Variants in ATXN7 observed in about 807,000 individuals in gnomAD.
The protein encoded by ATXN7 is ataxin 7, also known as ataxin-7.
A neutral mutation model predicts 70.5 loss-of-function variants in ATXN7; 12 were observed. The ratio of observed to expected loss-of-function variants is 0.17; its 90% confidence interval spans 0.11 to 0.28. ATXN7 has a LOEUF of 0.28. Ranked by LOEUF, ATXN7 falls within the 10% of genes least tolerant of loss-of-function variation. The pLI, the probability that ATXN7 is intolerant of heterozygous loss-of-function variation, is 1.00. For synonymous variants in ATXN7, 498 were observed against 448.7 expected (o/e 1.11, Z -1.39); for missense variants, 1,256 against 1,131.7 (o/e 1.11, Z -1.58).
chr3:63,875,007 G>C (rs150949754), intron 1 of ATXN7, among the ~76,000 whole-genome samples: 3 of 152,154 alleles, frequency 2.0e-5, no homozygotes, highest in African/African-American at 7.2e-5. Flanking sequence ...GACCTCTTTC[G>C]TAATGGCACT....
At chr3:63,872,723 A>G (rs905424797) in intron 1 of ATXN7, among the ~76,000 whole-genome samples, 29 of 152,206 alleles carry the variant, frequency 1.9e-4, no homozygotes, top group African/African-American at 6.5e-4. Context: ...ATATGTGCCA[A>G]CCTGCTTTTG....
At chr3:63,908,284 A>G (rs1366497494) in intron 2 of ATXN7, among the ~76,000 whole-genome samples, 2 of 152,212 alleles carry the variant, frequency 1.3e-5, no homozygotes, top group Non-Finnish European at 2.9e-5. Context: ...GCTGTAAGGT[A>G]CTTCACTAGA....
At chr3:63,951,064 A>C (rs145041322) in intron 4 of ATXN7, among the ~76,000 whole-genome samples, 1 of 152,256 alleles carries the variant, frequency 6.6e-6, no homozygotes, top group Non-Finnish European at 1.5e-5. Context: ...GGGGGGATAT[A>C]ATGATGTCTA....
intron 5 of ATXN7, among the ~76,000 whole-genome samples, chr3:63,971,521 G>C (rs1032883467): frequency 1.3e-5 from 2 of 152,086 alleles, no homozygotes; most frequent in Non-Finnish European, 2.9e-5. Flanking sequence ...ATATGTGAGT[G>C]CTTTTAAGAA....
chr3:63,957,143 T>G (rs2075053310), intron 5 of ATXN7, among the ~76,000 whole-genome samples: 1 of 152,234 alleles, frequency 6.6e-6, no homozygotes, highest in African/African-American at 2.4e-5. Context: ...GCTCTGCAGC[T>G]TCACTGAGTT....
rs1702326619 is a variant in ATXN7, at chr3:63,864,108, CCGCCCGGCCCA to C, written c.-155_-145del. 1.4e-5 allele frequency among the ~76,000 whole-genome samples: 2 copies of C among 147,492 alleles called. No individual in the cohort carries two copies. Among genetic ancestry groups the C allele is most frequent in the Admixed American group, 1.3e-4 (2 of 14,896 alleles). ...GCTCCCGCCGCCCCCCTTGCAGCCC[CCGCCCGGCCCA>C]CGCCCAGAGGCCGCCCCGGAGGCCG... On this transcript the variant is annotated 5_prime_UTR_variant, in exon 1 of 13. The change creates a premature stop within an existing upstream ORF in the 5' untranslated region. Transcript: ENST00000674280.
intron 5 of ATXN7, among the ~76,000 whole-genome samples, chr3:63,979,617 C>T (rs781233765): frequency 6.6e-5 from 10 of 152,202 alleles, no homozygotes; most frequent in South Asian, 2.1e-4. Context: ...ATTTTTAGCA[C>T]GCAAAACCCA....
At chr3:63,980,251 G>T (rs983325494) in intron 6 of ATXN7, 84 bp downstream of exon 6, 2 of 1,527,312 alleles carry the variant, frequency 1.3e-6, no homozygotes, top group Non-Finnish European at 1.8e-6. Context: ...GTGCCTGTGA[G>T]TAATATAAAA....
At chr3:63,995,103 T>C (rs1049236322) in intron 11 of ATXN7, among the ~76,000 whole-genome samples, 5 of 152,312 alleles carry the variant, frequency 3.3e-5, no homozygotes, top group African/African-American at 1.2e-4. Flanking sequence ...ACCACAACGG[T>C]AATTAAGCTG....
At chr3:63,998,207 G>A (rs201444038) in intron 12 of ATXN7, 2 of 946,808 alleles carry the variant, frequency 2.1e-6, no homozygotes, top group Admixed American at 7.4e-5. Flanking sequence ...AGAAGGGGGG[G>A]GGGCCAGGTG....
rs551830763 is a variant in ATXN7 at position 63,940,850 on chromosome 3, A to T, written c.395-11529A>T. 1.4e-4 allele frequency among the ~76,000 whole-genome samples: 21 copies of T among 152,268 alleles called. 1 individual carries two copies. In the South Asian group the frequency reaches 3.9e-3, roughly 29 times the overall value. On this transcript the variant is annotated intron_variant, in intron 4 of 12. Transcript: ENST00000674280. Reference sequence around the variant, plus strand: ...TCCAAATGGTAGGGATGCAGACAAGATTTATAAGGTTTTTGGTAGGCACTT... The same window carrying T: ...TCCAAATGGTAGGGATGCAGACAAGTTTTATAAGGTTTTTGGTAGGCACTT...
At chr3:63,906,646 A>G (rs1333666606) in intron 2 of ATXN7, among the ~76,000 whole-genome samples, 1 of 152,226 alleles carries the variant, frequency 6.6e-6, no homozygotes, top group South Asian at 2.1e-4. Flanking sequence ...GAGAGGGTTC[A>G]GGAAAGAGTT....
intron 6 of ATXN7, among the ~76,000 whole-genome samples, chr3:63,981,639 T>C (rs986700745): frequency 4.6e-5 from 7 of 152,186 alleles, no homozygotes; most frequent in Non-Finnish European, 7.3e-5. Flanking sequence ...ACACAACATA[T>C]ATTTATTAAA....
intron 11 of ATXN7, among the ~76,000 whole-genome samples, chr3:63,994,010 C>T (rs150862554): frequency 1.3e-4 from 20 of 152,230 alleles, no homozygotes; most frequent in Non-Finnish European, 2.2e-4. Context: ...ATGAGTAGTG[C>T]GGGGAGAGAG....
At chr3:63,919,715 G>A (rs1043886008) in intron 4 of ATXN7, among the ~76,000 whole-genome samples, 4 of 149,282 alleles carry the variant, frequency 2.7e-5, no homozygotes, top group African/African-American at 9.9e-5. Flanking sequence ...TCGTCATTTA[G>A]CATTAGGTAT....
At position 63,970,002 on chromosome 3, in the gene ATXN7, G is replaced by A. The variant is rs566656720; in HGVS notation, c.500-9913G>A. 8.5e-5 allele frequency among the ~76,000 whole-genome samples: 13 copies of A among 152,250 alleles called. No homozygotes were observed. The South Asian group carries it at 2.1e-3, about 24-fold the overall frequency. ...CTCAGATAGTGAGGTCAAATAAATC[G>A]GCCAGGGTGATTTATTGCTGTACTC... On this transcript the variant is annotated intron_variant, in intron 5 of 12. Coordinates refer to ENST00000674280, the MANE Select transcript of ATXN7 (RefSeq NM_001377405.1).
intron 4 of ATXN7, among the ~76,000 whole-genome samples, chr3:63,914,699 A>G (rs1254449514): frequency 6.6e-6 from 1 of 152,194 alleles, no homozygotes; most frequent in Non-Finnish European, 1.5e-5. Context: ...CAAGATTGTA[A>G]TTATCAATAA....
intron 1 of ATXN7, among the ~76,000 whole-genome samples, chr3:63,878,140 T>C (rs1252930163): frequency 1.3e-5 from 2 of 152,172 alleles, no homozygotes; most frequent in Non-Finnish European, 2.9e-5. Flanking sequence ...GGGCTAGTGG[T>C]AAGCAGGTCC....
rs1200546521 is a variant in ATXN7 at position 63,999,801 on chromosome 3, T to TC, written c.*335dup. 1 of 462,182 alleles carries TC rather than the reference T, an allele frequency of 2.2e-6. No homozygotes were observed. Among genetic ancestry groups the TC allele is most frequent in the East Asian group, 3.6e-5 (1 of 27,904 alleles). 28.6% of individuals were successfully genotyped at this position (462,182 alleles called of 1,614,324 possible). A position where few individuals can be genotyped will look rare whatever the true frequency, so the allele number is the denominator to read the frequency against. ...TTGCAGTATATCACAGAGCCACTCT[T>TC]CAAGTAGATTGGCTGGGCAAAAGAA... On this transcript the variant is annotated 3_prime_UTR_variant, in exon 13 of 13. Transcript: ENST00000674280.
Sources: gnomAD v4.1 joint callset for allele counts (sites outside exome capture counted in the v4.1 genomes callset) on GRCh38, gnomAD v4.1.1 for gene constraint, MANE v1.5 for transcripts, NCBI Gene and HGNC (gene_info 2026-07-23, HGNC 2026-07-21) for gene names.